The following ATP6V1H variants were observed in gnomAD, a reference collection of about 807,000 sequenced individuals.
The protein encoded by ATP6V1H is V-type proton ATPase subunit H.
A neutral mutation model predicts 71.7 loss-of-function variants in ATP6V1H; 39 were observed. The ratio of observed to expected loss-of-function variants is 0.54; its 90% CI spans 0.42 to 0.71. The LOEUF is 0.71. Among genes scored for constraint, ATP6V1H ranks in the 30% least tolerant of loss-of-function variants. ATP6V1H has a pLI of 0.00. For missense variants in ATP6V1H, 509 were observed against 594.9 expected (o/e 0.86, Z 1.50); for synonymous variants, 192 against 199.3 (o/e 0.96, Z 0.31).
intron 9 of ATP6V1H, among the ~76,000 whole-genome samples, chr8:53,787,788 T>C (rs935780519): frequency 6.6e-6 from 1 of 152,192 alleles, no homozygotes; most frequent in African/African-American, 2.4e-5. Context: ...CAGTAATATA[T>C]GCAGAGACCT....
chr8:53,811,087 C>T (rs1387744997), intron 7 of ATP6V1H, 77 bp downstream of exon 7: 4 of 1,285,338 alleles, frequency 3.1e-6, no homozygotes, highest in South Asian at 2.6e-5. Flanking sequence ...CTAGTAAACA[C>T]CTTCAAAATT....
chr8:53,801,891 C>G lies in ATP6V1H; in HGVS notation c.585G>C (p.Ser195=), dbSNP rs749823612. Residue 195 remains serine (S), a synonymous_variant, in exon 8 of 14, where the codon TCG becomes TCC. Transcript: ENST00000359530. ...ETGTVSSSDS[S]QYVQCVAGCL... ...ACCCGGCCACGCACTGCACATACTGCGAACTCTGCACAAGAAGAAGTGTTG... is the reference window on the plus strand; with the variant it reads ...ACCCGGCCACGCACTGCACATACTGGGAACTCTGCACAAGAAGAAGTGTTG... The G allele has an allele frequency of 3.1e-6, 5 of 1,612,932 alleles. No individual in the cohort carries two copies. The East Asian group carries it at 8.9e-5, about 29-fold the overall frequency.
rs183793157 is a variant in ATP6V1H, at chr8:53,768,405, A to G, written c.1175+1213T>C. Among the ~76,000 whole-genome samples, 198 of 152,344 alleles carry G rather than the reference A, an allele frequency of 1.3e-3. 2 individuals are homozygous for G. Among genetic ancestry groups the G allele is most frequent in the Middle Eastern group, 6.8e-3 (2 of 294 alleles). ...CCTCAAATGGTTAATCACAGAGTTAACATATGACTCAGCAATTTCACACCC... is the reference window on the plus strand; with the variant it reads ...CCTCAAATGGTTAATCACAGAGTTAGCATATGACTCAGCAATTTCACACCC... On this transcript the variant is annotated intron_variant, in intron 11 of 13. Coordinates refer to ENST00000359530, the MANE Select transcript of ATP6V1H (RefSeq NM_015941.4).
chr8:53,811,559 C>T (rs1810274716), intron 6 of ATP6V1H, among the ~76,000 whole-genome samples: 1 of 152,146 alleles, frequency 6.6e-6, no homozygotes, highest in Non-Finnish European at 1.5e-5. Context: ...AAAATGACTG[C>T]CTTAAATTGA....
intron 11 of ATP6V1H, among the ~76,000 whole-genome samples, chr8:53,758,228 CTTT>C (rs1023857963): frequency 4.6e-5 from 7 of 151,334 alleles, no homozygotes; most frequent in East Asian, 3.8e-4. Context: ...AAAATTACTT[CTTT>C]GTTTTTATTT....
intron 13 of ATP6V1H, among the ~76,000 whole-genome samples, chr8:53,730,991 T>C (rs182359029): frequency 1.3e-3 from 200 of 152,284 alleles, no homozygotes; most frequent in Non-Finnish European, 2.1e-3. Flanking sequence ...CAAAAAGAAG[T>C]AAAATTAACA....
intron 12 of ATP6V1H, among the ~76,000 whole-genome samples, chr8:53,746,580 T>C (rs1807611159): frequency 6.6e-6 from 1 of 152,224 alleles, no homozygotes; most frequent in Non-Finnish European, 1.5e-5. Flanking sequence ...TGTTTATTTC[T>C]TAAGCATTTA....
Position 53,814,753 on chromosome 8 carries a change from A to G in ATP6V1H, c.434T>C (p.Ile145Thr). Residue 145 changes from isoleucine (I) to threonine (T), a missense_variant, in exon 6 of 14, where the codon ATT becomes ACT. Transcript: ENST00000359530. ...TTTTCCCCAAGCTGCTAACTTGGCA[A>G]TAATTCTTGCTGCCTGAAAACAAAT... ...PFTVHMAARI[I>T]AKLAAWGKEL... is the part of the protein sequence containing the mutation. 1 of 1,611,484 alleles carries G rather than the reference A, an allele frequency of 6.2e-7. No homozygotes were observed. Among genetic ancestry groups the G allele is most frequent in the Non-Finnish European group, 8.5e-7 (1 of 1,178,414 alleles).
At chr8:53,777,255 C>T (rs949030724) in intron 9 of ATP6V1H, among the ~76,000 whole-genome samples, 6 of 152,012 alleles carry the variant, frequency 3.9e-5, no homozygotes, top group African/African-American at 7.2e-5. Flanking sequence ...ACAAATAAAA[C>T]TAAATCCAGA....
chr8:53,747,025 C>G (rs1224377752), intron 12 of ATP6V1H, among the ~76,000 whole-genome samples: 4 of 152,154 alleles, frequency 2.6e-5, no homozygotes, highest in African/African-American at 9.7e-5. Context: ...AATGCAGCAG[C>G]TGATGAAACC....
At chr8:53,743,334 T>G (rs1445729097) in intron 13 of ATP6V1H, among the ~76,000 whole-genome samples, 1 of 152,252 alleles carries the variant, frequency 6.6e-6, no homozygotes, top group Non-Finnish European at 1.5e-5. Flanking sequence ...TCCTTTTAGT[T>G]ACTTCTGGAG....
At chr8:53,765,378 C>T (rs992338033) in intron 11 of ATP6V1H, among the ~76,000 whole-genome samples, 1 of 120,004 alleles carries the variant, frequency 8.3e-6, no homozygotes, top group African/African-American at 3.2e-5. Flanking sequence ...CCAGCCTGGA[C>T]AACAGAGTGA....
intron 13 of ATP6V1H, among the ~76,000 whole-genome samples, chr8:53,738,838 T>C (rs1807318637): frequency 6.6e-6 from 1 of 152,224 alleles, no homozygotes; most frequent in Non-Finnish European, 1.5e-5. Context: ...ATTTCTAACT[T>C]GCAAAGAAGC....
chr8:53,775,183 C>G (rs535553964), intron 9 of ATP6V1H, among the ~76,000 whole-genome samples: 2 of 151,816 alleles, frequency 1.3e-5, no homozygotes, highest in Non-Finnish European at 2.9e-5. Context: ...CTTAAGGCGG[C>G]GCATGTGGAG....
chr8:53,793,659 T>C (rs1285953166), intron 9 of ATP6V1H, among the ~76,000 whole-genome samples: 8 of 149,590 alleles, frequency 5.3e-5, no homozygotes, highest in Non-Finnish European at 1.2e-4. Context: ...AAAAAAATGG[T>C]GGGGTACAGT....
At chr8:53,755,715 TATATATATATATATATATATATATA>T (rs1563451087) in intron 12 of ATP6V1H, among the ~76,000 whole-genome samples, 14 of 6,846 alleles carry the variant, frequency 2.0e-3, no homozygotes, top group African/African-American at 6.2e-3. Context: ...TATATATATA[TATATATATATATATATATATATATA>T]TATATTTTTT....
At chr8:53,804,891 G>A (rs1013304602) in intron 7 of ATP6V1H, among the ~76,000 whole-genome samples, 18 of 152,096 alleles carry the variant, frequency 1.2e-4, no homozygotes, top group African/African-American at 4.3e-4. Context: ...CTTCAATGTT[G>A]CTGAAAATGC....
intron 2 of ATP6V1H, 56 bp from the exon 3 acceptor site, chr8:53,833,142 GAT>G: frequency 7.1e-7 from 1 of 1,407,046 alleles, no homozygotes; most frequent in Non-Finnish European, 1.0e-6. Flanking sequence ...GTAAGCAAGC[GAT>G]AGAGGAATTT....
At position 53,803,166 on chromosome 8, in the gene ATP6V1H, A is replaced by G. The variant is rs529720345; in HGVS notation, c.580-1270T>C. 2.2e-3 allele frequency among the ~76,000 whole-genome samples: 337 copies of G among 152,220 alleles called. 2 individuals are homozygous for G. Among genetic ancestry groups the G allele is most frequent in the African/African-American group, 7.8e-3 (326 of 41,556 alleles). ...AGCCTGGCCAACATGGCGAAACTCC[A>G]TCTCTACTAAAAATACAAAAATTAG... On this transcript the variant is annotated intron_variant, in intron 7 of 13. Transcript: ENST00000359530.
Sources: gnomAD v4.1 joint callset for allele counts (sites outside exome capture counted in the v4.1 genomes callset) on GRCh38, gnomAD v4.1.1 for gene constraint, MANE v1.5 for transcripts, NCBI Gene and HGNC (gene_info 2026-07-23, HGNC 2026-07-21) for gene names.